PLEKHN1: variants seen among roughly 807,000 people sequenced by gnomAD.
The protein encoded by PLEKHN1 is pleckstrin homology domain-containing family N member 1.
In PLEKHN1, 68 loss-of-function variants were observed where a neutral mutation model predicts 72.8. The observed-to-expected ratio is 0.93, with a 90% CI of 0.77 to 1.14. PLEKHN1 has a LOEUF of 1.14. Among genes scored for constraint, PLEKHN1 ranks in the 50% most tolerant of loss-of-function variants. The pLI, the probability that PLEKHN1 is intolerant of heterozygous loss-of-function variation, is 0.00. For synonymous variants in PLEKHN1, 454 were observed against 371.6 expected (o/e 1.22, Z -2.55); for missense variants, 1,015 against 840.5 (o/e 1.21, Z -2.57).
Position 973,629 on chromosome 1 carries a change from G to A in PLEKHN1, c.1423G>A (p.Gly475Ser), listed in dbSNP as rs747836209. 2 of 1,612,626 alleles carry A rather than the reference G, an allele frequency of 1.2e-6. No homozygotes were observed. Among genetic ancestry groups the A allele is most frequent in the Non-Finnish European group, 1.7e-6 (2 of 1,179,934 alleles). ...CCACCGCAGGGTCACAGATGTCCGG[G>A]GCCTGGAGGAGGTCAGGCCCCTGCT... is the stretch of plus-strand genomic sequence containing the variant. Reference protein sequence around the residue: ...TSHRRVTDVRGLEEFLSAMQS... With the variant: ...TSHRRVTDVRSLEEFLSAMQS... Residue 475 changes from glycine to serine, a missense_variant, in exon 13 of 16, where the codon GGC becomes AGC. Gly to Ser is a moderately conservative substitution (Grantham distance 56). Coordinates refer to ENST00000379410, the MANE Select transcript of PLEKHN1 (RefSeq NM_032129.3).
chr1:970,333 G>A lies in PLEKHN1; in HGVS notation c.240G>A (p.Val80=). Residue 80 remains valine, a synonymous_variant, in exon 3 of 16, where the codon GTG becomes GTA. Coordinates refer to ENST00000379410, the MANE Select transcript of PLEKHN1 (RefSeq NM_032129.3). The surrounding 1 kb of genome is among the most constrained non-coding windows in gnomAD (Gnocchi z 4.2). ...ACCTGGAGCAGCCATTCCTGAGTGT[G>A]TTCAAGAAGGGGCGGCGGAGGGTGC... is the stretch of plus-strand genomic sequence containing the variant. ...RENLEQPFLS[V]FKKGRRRVPV... The A allele has an allele frequency of 6.2e-7, 1 of 1,613,596 alleles. No homozygotes were observed. Among genetic ancestry groups the A allele is most frequent in the Non-Finnish European group, 8.5e-7 (1 of 1,179,940 alleles).
chr1:970,257 CT>C lies in PLEKHN1; in HGVS notation c.184-19del. ...GGGGGCCCAGGGGAGGCCCCCTCCC[CT>C]GAGCTCTACTCCTCCTAGGACATCC... On this transcript the variant is annotated intron_variant, in intron 2 of 15. Transcript: ENST00000379410. The surrounding 1 kb of genome is among the most constrained non-coding windows in gnomAD (Gnocchi z 4.2). 1 of 1,611,394 alleles carries C rather than the reference CT, an allele frequency of 6.2e-7. No homozygotes were observed. The highest frequency in any genetic ancestry group is 1.7e-5 in the Admixed American group (1 of 59,912).
At position 970,453 on chromosome 1, in the gene PLEKHN1, A is replaced by C; in HGVS notation, c.330+30A>C. The C allele has an allele frequency of 6.2e-7, 1 of 1,613,056 alleles. No homozygotes were observed. Among genetic ancestry groups the C allele is most frequent in the Non-Finnish European group, 8.5e-7 (1 of 1,179,916 alleles). On this transcript the variant is annotated intron_variant, in intron 3 of 15. Transcript: ENST00000379410. The surrounding 1 kb of genome is among the most constrained non-coding windows in gnomAD (Gnocchi z 4.2). ...GGGCCGGGCTGGGTGGAGCACGCTA[A>C]GGGTGCAGCATCCCCATCAGCCTGG...
At position 974,331 on chromosome 1, in the gene PLEKHN1, G is replaced by A. The variant is rs774817009; in HGVS notation, c.1669G>A (p.Glu557Lys). 1.1e-5 allele frequency: 18 copies of A among 1,612,924 alleles called. No homozygotes were observed. Among genetic ancestry groups the A allele is most frequent in the Non-Finnish European group, 1.5e-5 (18 of 1,179,992 alleles). ...GGGGTTCCAGGTCTCCTCTGCCAGGGAAGGTTCGCCCGAACCCTGGCTGCC... is the reference window on the plus strand; with the variant it reads ...GGGGTTCCAGGTCTCCTCTGCCAGGAAAGGTTCGCCCGAACCCTGGCTGCC... ...DAPQLVSSAR[E>K]GSPEPWLPLT... Residue 557 changes from glutamate to lysine, a missense_variant, in exon 15 of 16, where the codon GAA becomes AAA. By Grantham distance (56) the Glu-to-Lys change is moderately conservative. Coordinates refer to ENST00000379410, the MANE Select transcript of PLEKHN1 (RefSeq NM_032129.3).
chr1:972,733 T>G (rs955980530), intron 10 of PLEKHN1, 128 bp from the exon 11 acceptor site: 114 of 1,246,742 alleles, frequency 9.1e-5, no homozygotes, highest in Non-Finnish European at 1.1e-4. Flanking sequence ...GCCACTGTAC[T>G]GCAGCCTGGG....
At position 973,015 on chromosome 1, in the gene PLEKHN1, G is replaced by A. The variant is rs1382159071; in HGVS notation, c.1152+5G>A. The A allele has an allele frequency of 1.3e-6, 2 of 1,595,682 alleles. No individual in the cohort carries two copies. The highest frequency in any genetic ancestry group is 1.7e-5 in the Admixed American group (1 of 58,042). ...TGCTCCTCCCAGCACACACCGGTGAGCGCTTACGGGGTGGCAGACGAAAGT... is the reference window on the plus strand; with the variant it reads ...TGCTCCTCCCAGCACACACCGGTGAACGCTTACGGGGTGGCAGACGAAAGT... On this transcript the variant is annotated splice_donor_5th_base_variant and intron_variant, in intron 11 of 15. Coordinates refer to ENST00000379410, the MANE Select transcript of PLEKHN1 (RefSeq NM_032129.3).
Position 973,334 on chromosome 1 carries a change from C to G in PLEKHN1, c.1293+8C>G, listed in dbSNP as rs756352197. 1 of 1,549,888 alleles carries G rather than the reference C, an allele frequency of 6.5e-7. No individual in the cohort carries two copies. The highest frequency in any genetic ancestry group is 1.2e-5 in the South Asian group (1 of 84,370). On this transcript the variant is annotated splice_region_variant and intron_variant, in intron 12 of 15. Coordinates refer to ENST00000379410, the MANE Select transcript of PLEKHN1 (RefSeq NM_032129.3). ...CACCTGGACCTGACCCAGGTGGGCCCAGCACACCCACACAGCCCCTGGCCT... is the reference window on the plus strand; with the variant it reads ...CACCTGGACCTGACCCAGGTGGGCCGAGCACACCCACACAGCCCCTGGCCT...
At position 972,809 on chromosome 1, in the gene PLEKHN1, C is replaced by T. The variant is rs549497366; in HGVS notation, c.1003-52C>T. ...ACAGCACGGTGGGTCCAGGCAGGGG[C>T]GGGTGGGGAGGGGGTCCAGCCCTCA... On this transcript the variant is annotated intron_variant, in intron 10 of 15. Transcript: ENST00000379410. The T allele has an allele frequency of 1.1e-4, 108 of 940,678 alleles. No individual in the cohort carries two copies. In the Middle Eastern group the frequency reaches 1.9e-3, roughly 17 times the overall value. 58.3% of individuals were successfully genotyped at this position (940,678 alleles called of 1,614,324 possible).
In PLEKHN1 at chr1:969,351, ATG is replaced by A. The variant is rs532992563; in HGVS notation, c.184-921_184-920del. On this transcript the variant is annotated intron_variant, in intron 2 of 15. Transcript: ENST00000379410. ...TGTGCGTGTGTGTGCACAAGTGTGTATGTGTGCATGTGTTTGCACGTGTATAT... is the reference window on the plus strand; with the variant it reads ...TGTGCGTGTGTGTGCACAAGTGTGTATGTGCATGTGTTTGCACGTGTATAT... 1.6e-3 allele frequency among the ~76,000 whole-genome samples: 242 copies of A among 147,514 alleles called. 1 individual carries two copies. Among genetic ancestry groups the A allele is most frequent in the African/African-American group, 6.0e-3 (236 of 39,328 alleles).
rs767288922 is a variant in PLEKHN1, at chr1:970,737, G to A, written c.463G>A (p.Glu155Lys). The A allele has an allele frequency of 4.4e-6, 7 of 1,609,108 alleles. No homozygotes were observed. The East Asian group carries it at 1.1e-4, about 26-fold the overall frequency. ...TGTCTGCCCGCTCGAGGGGTCCCGAGAGCACGCCTTCCAGATCACAGGTGT... is the reference window on the plus strand; with the variant it reads ...TGTCTGCCCGCTCGAGGGGTCCCGAAAGCACGCCTTCCAGATCACAGGTGT... ...LSVCPLEGSR[E>K]HAFQITGPLP... is the part of the protein sequence containing the mutation. Residue 155 changes from glutamate to lysine, a missense_variant, in exon 5 of 16, where the codon GAG (glutamate) becomes AAG (lysine). Physicochemically the swap from Glu to Lys is moderately conservative, Grantham distance 56. Transcript: ENST00000379410. This position sits in a 1 kb window ranked among gnomAD's most constrained non-coding sequence, Gnocchi z 4.2.
rs1168177500 is a variant in PLEKHN1, at chr1:973,618, C to G, written c.1412C>G (p.Thr471Arg). 1 of 1,613,102 alleles carries G rather than the reference C, an allele frequency of 6.2e-7. No homozygotes were observed. Among genetic ancestry groups the G allele is most frequent in the South Asian group, 1.1e-5 (1 of 91,070 alleles). The stretch of plus-strand genomic sequence containing the variant: ...CCCGCCACCTCCCACCGCAGGGTCA[C>G]AGATGTCCGGGGCCTGGAGGAGGTC... ...TPPATSHRRV[T>R]DVRGLEEFLS... Residue 471 changes from threonine (T) to arginine (R), a missense_variant, in exon 13 of 16, where the codon ACA becomes AGA. Thr to Arg is a moderately conservative substitution (Grantham distance 71, BLOSUM62 -1). Transcript: ENST00000379410.
chr1:972,977 A>G lies in PLEKHN1; in HGVS notation c.1119A>G (p.Pro373=). 2 of 1,591,760 alleles carry G rather than the reference A, an allele frequency of 1.3e-6. No homozygotes were observed. Among genetic ancestry groups the G allele is most frequent in the Non-Finnish European group, 1.7e-6 (2 of 1,168,800 alleles). Residue 373 remains proline (P), a synonymous_variant, in exon 11 of 16, where the codon CCA becomes CCG. Transcript: ENST00000379410. ...ACTCCCTGCCTGAGTCCTCAGTGCCATCCACCGTGGGCTGCTCCTCCCAGC... is the reference window on the plus strand; with the variant it reads ...ACTCCCTGCCTGAGTCCTCAGTGCCGTCCACCGTGGGCTGCTCCTCCCAGC... ...TSHSLPESSV[P]STVGCSSQHT...
At chr1:967,009 G>A (rs898042450) in intron 2 of PLEKHN1, among the ~76,000 whole-genome samples, 1 of 152,216 alleles carries the variant, frequency 6.6e-6, no homozygotes, top group Non-Finnish European at 1.5e-5. Flanking sequence ...ACGCAGGACT[G>A]AGTCAGTCGG....
intron 10 of PLEKHN1, 133 bp from the exon 11 acceptor site, chr1:972,728 T>C (rs1643404292): frequency 1.7e-6 from 2 of 1,197,216 alleles, no homozygotes; most frequent in Non-Finnish European, 2.3e-6. Context: ...ATCGTGCCAC[T>C]GTACTGCAGC....
intron 2 of PLEKHN1, among the ~76,000 whole-genome samples, chr1:967,272 C>G (rs902050802): frequency 2.0e-5 from 3 of 152,186 alleles, no homozygotes; most frequent in Non-Finnish European, 4.4e-5. Flanking sequence ...TGTGCACGCG[C>G]CGGCCTCCTC....
At chr1:973,393 T>C in intron 12 of PLEKHN1, 67 bp downstream of exon 12, 1 of 1,560,682 alleles carries the variant, frequency 6.4e-7, no homozygotes, top group Non-Finnish European at 8.7e-7. Flanking sequence ...GGTCTCTGTC[T>C]CTGGGCCCAG....
rs947897453 is a variant in PLEKHN1, at chr1:975,641, G to C, written c.*1066G>C. 1.3e-5 allele frequency: 2 copies of C among 155,128 alleles called. No individual in the cohort carries two copies. The highest frequency in any genetic ancestry group is 4.8e-5 in the African/African-American group (2 of 41,444). The allele number at this position is 155,128 out of a possible 1,614,324, so 9.6% of individuals were successfully genotyped here. ...GGGCCTTGGAGCCCTTGCCAGCCCA[G>C]CCCACCTGTGAGGAGGCTGCCCATC... On this transcript the variant is annotated 3_prime_UTR_variant, in exon 16 of 16. Coordinates refer to ENST00000379410, the MANE Select transcript of PLEKHN1 (RefSeq NM_032129.3).
rs771951637 is a variant in PLEKHN1 at position 966,499 on chromosome 1, G to A, written c.-33G>A. 6.4e-7 allele frequency: 1 copy of A among 1,573,310 alleles called. No homozygotes were observed. Among genetic ancestry groups the A allele is most frequent in the South Asian group, 1.1e-5 (1 of 89,548 alleles). Reference sequence around the variant, plus strand: ...GCGGGGGCAGGAGGCTGTGGACAGGGACCCAGACTTGCCGACCTGTACGAC... The same window carrying A: ...GCGGGGGCAGGAGGCTGTGGACAGGAACCCAGACTTGCCGACCTGTACGAC... On this transcript the variant is annotated 5_prime_UTR_variant, in exon 1 of 16. Transcript: ENST00000379410.
intron 2 of PLEKHN1, among the ~76,000 whole-genome samples, chr1:969,862 TGC>T (rs1557645122): frequency 6.6e-6 from 1 of 152,132 alleles, no homozygotes; most frequent in Non-Finnish European, 1.5e-5. Context: ...CGGGTGTGTG[TGC>T]GTGTACGTGT....
Sources: gnomAD v4.1 joint callset for allele counts (sites outside exome capture counted in the v4.1 genomes callset) on GRCh38, gnomAD v4.1.1 for gene constraint, Gnocchi (gnomAD v3.1) non-coding constraint, MANE v1.5 for transcripts, NCBI Gene and HGNC (gene_info 2026-07-23, HGNC 2026-07-21) for gene names.